SETD5: variants seen among roughly 807,000 people sequenced by gnomAD.
SETD5 encodes the protein SET domain containing 5.
SETD5 carries 44 observed loss-of-function variants against 153.3 expected under a neutral mutation model. That is an observed-to-expected ratio of 0.29 (90% CI 0.23 to 0.37). The LOEUF is 0.37. Among genes scored for constraint, SETD5 ranks in the 10% least tolerant of loss-of-function variants. The probability of loss-of-function intolerance (pLI) is 1.00; values close to 1 mark genes in which losing one functional copy is unlikely to be tolerated. For synonymous variants in SETD5, 716 were observed against 645.2 expected (o/e 1.11, Z -1.66); for missense variants, 1,544 against 1,768.0 (o/e 0.87, Z 2.27).
rs114807425 is a variant in SETD5, at chr3:9,458,661, A to G, written c.2476+4793A>G. Reference sequence around the variant, plus strand: ...CTGTATTAACCATGTTTTTGTGTCTATACTGCCTCTGTATTAATAGAGGAT... The same window carrying G: ...CTGTATTAACCATGTTTTTGTGTCTGTACTGCCTCTGTATTAATAGAGGAT... On this transcript the variant is annotated intron_variant, in intron 17 of 22. Transcript: ENST00000402198. Among the ~76,000 whole-genome samples, 351 of 152,294 alleles carry G rather than the reference A, an allele frequency of 2.3e-3. 1 individual carries two copies. The highest frequency in any genetic ancestry group is 8.0e-3 in the African/African-American group (332 of 41,550).
At chr3:9,454,640 A>G (rs958641638) in intron 17 of SETD5, among the ~76,000 whole-genome samples, 1 of 151,288 alleles carries the variant, frequency 6.6e-6, no homozygotes, top group Non-Finnish European at 1.5e-5. Flanking sequence ...AAAAAAAAAA[A>G]AAAAAAAAAA....
chr3:9,420,391 A>C (rs182709217), intron 1 of SETD5, among the ~76,000 whole-genome samples: 44 of 152,240 alleles, frequency 2.9e-4, no homozygotes, highest in Admixed American at 5.2e-4. Flanking sequence ...CTTAATATAG[A>C]CTAGGATTTT....
Position 9,447,950 on chromosome 3 carries a change from T to A in SETD5, c.2047T>A (p.Ser683Thr). 4.3e-6 allele frequency: 7 copies of A among 1,613,918 alleles called. No individual in the cohort carries two copies. The highest frequency in any genetic ancestry group is 5.9e-6 in the Non-Finnish European group (7 of 1,179,854). ...AACAGGGTCTGACCCAACTGTGGTG[T>A]CAATTACTGGATCCCATGTCAACCG... is the stretch of plus-strand genomic sequence containing the variant. ...PLTGSDPTVV[S>T]ITGSHVNRAA... is the part of the protein sequence containing the mutation. Residue 683 changes from serine (S) to threonine (T), a missense_variant, in exon 15 of 23, where the codon TCA becomes ACA. Transcript: ENST00000402198.
intron 13 of SETD5, among the ~76,000 whole-genome samples, chr3:9,445,965 G>GTTTTTTTTTTTTTTTTTTTTTTTTTTT: frequency 1.2e-5 from 1 of 86,460 alleles, no homozygotes; most frequent in African/African-American, 4.7e-5. Flanking sequence ...TGAAGAGGTT[G>GTTTTTTTTTTTTTTTTTTTTTTTTTTT]TTTTTTTTTT....
rs558445943 is a variant in SETD5, at chr3:9,409,248, C to T, written c.-177+11271C>T. On this transcript the variant is annotated intron_variant, in intron 1 of 22. Transcript: ENST00000402198. ...TTTTCTTACTTCTTCATTTATTGTC[C>T]GGAATACTCACCCTTATTTTTATTT... 1.8e-3 allele frequency among the ~76,000 whole-genome samples: 268 copies of T among 152,138 alleles called. 1 individual carries two copies. Among genetic ancestry groups the T allele is most frequent in the African/African-American group, 6.2e-3 (257 of 41,502 alleles).
rs2042108470 is a variant in SETD5, at chr3:9,447,087, C to G, written c.1562C>G (p.Ala521Gly). The G allele has an allele frequency of 1.2e-6, 2 of 1,612,482 alleles. No homozygotes were observed. Among genetic ancestry groups the G allele is most frequent in the African/African-American group, 2.7e-5 (2 of 74,930 alleles). ...EDRKVEAIMHAFENLEKRKKR... is the reference protein window; with the variant it reads ...EDRKVEAIMHGFENLEKRKKR... The stretch of plus-strand genomic sequence containing the variant: ...AGAAAGGTAGAAGCCATCATGCATG[C>G]TTTTGAAAACTTAGAGAAAAGAAAG... Residue 521 changes from alanine to glycine, a missense_variant, in exon 14 of 23, where the codon GCT becomes GGT. Ala to Gly is a moderately conservative substitution (Grantham distance 60). Around this residue, in one of 9 missense-constraint regions of SETD5, gnomAD observed 782 missense variants for 787.2 expected, o/e 0.99. Transcript: ENST00000402198.
In SETD5 at chr3:9,476,008, C is replaced by T. The variant is rs746010610; in HGVS notation, c.4246C>T (p.His1416Tyr). 8 of 1,613,920 alleles carry T rather than the reference C, an allele frequency of 5.0e-6. No homozygotes were observed. The Admixed American group carries it at 1.0e-4, about 20-fold the overall frequency. Residue 1416 changes from histidine (H) to tyrosine (Y), a missense_variant, in exon 23 of 23, where the codon CAC becomes TAC. By Grantham distance (83) the His-to-Tyr change is moderately conservative. Coordinates refer to ENST00000402198, the MANE Select transcript of SETD5 (RefSeq NM_001080517.3). ...SAVSNSQHYPHRGSGGVHQYR... is the reference protein window; with the variant it reads ...SAVSNSQHYPYRGSGGVHQYR... ...GGTTTCCAATTCACAGCACTACCCA[C>T]ACCGTGGGAGTGGGGGTGTGCACCA...
chr3:9,457,250 A>T (rs1019072058), intron 17 of SETD5, among the ~76,000 whole-genome samples: 3 of 152,118 alleles, frequency 2.0e-5, no homozygotes, highest in African/African-American at 7.2e-5. Context: ...GCACTTTGGG[A>T]GGCCGAGATG....
intron 17 of SETD5, among the ~76,000 whole-genome samples, chr3:9,460,272 AAAAC>A (rs1471049625): frequency 2.6e-5 from 4 of 152,092 alleles, no homozygotes; most frequent in Admixed American, 1.3e-4. Context: ...GTAAAAAAAA[AAAAC>A]TAAAGAACTC....
At chr3:9,426,713 T>G (rs538123606) in intron 2 of SETD5, among the ~76,000 whole-genome samples, 2 of 152,074 alleles carry the variant, frequency 1.3e-5, no homozygotes, top group African/African-American at 4.8e-5. Flanking sequence ...AAATTTTGTA[T>G]TTTTAGTAGA....
intron 8 of SETD5, among the ~76,000 whole-genome samples, chr3:9,441,172 G>A (rs2041232065): frequency 6.6e-6 from 1 of 152,066 alleles, no homozygotes; most frequent in South Asian, 2.1e-4. Context: ...TTGCACCACT[G>A]CACTCCAGCC....
At chr3:9,468,875 A>G (rs1198784311) in intron 18 of SETD5, among the ~76,000 whole-genome samples, 1 of 152,038 alleles carries the variant, frequency 6.6e-6, no homozygotes, top group African/African-American at 2.4e-5. Flanking sequence ...GAGTTCTATT[A>G]AAGAATAGAA....
At chr3:9,418,104 C>T (rs2037807151) in intron 1 of SETD5, among the ~76,000 whole-genome samples, 1 of 150,560 alleles carries the variant, frequency 6.6e-6, no homozygotes, top group African/African-American at 2.5e-5. Context: ...CCGCTCCCGG[C>T]TAATTTTTTT....
chr3:9,412,412 T>G (rs1007817633), intron 1 of SETD5, among the ~76,000 whole-genome samples: 3 of 142,802 alleles, frequency 2.1e-5, no homozygotes, highest in African/African-American at 7.8e-5. Context: ...TTTTTTTTTT[T>G]TTTTTAAAGA....
intron 1 of SETD5, among the ~76,000 whole-genome samples, chr3:9,408,339 G>A (rs1277198740): frequency 2.6e-5 from 4 of 152,070 alleles, no homozygotes; most frequent in African/African-American, 9.7e-5. Flanking sequence ...AGTAAGGGAA[G>A]GAGTAGGTAT....
chr3:9,458,651 T>G (rs1398048267), intron 17 of SETD5, among the ~76,000 whole-genome samples: 1 of 152,190 alleles, frequency 6.6e-6, no homozygotes, highest in African/African-American at 2.4e-5. Flanking sequence ...TTAACCATGT[T>G]TTTGTGTCTA....
chr3:9,460,911 TG>T (rs1489582085), intron 17 of SETD5, among the ~76,000 whole-genome samples: 1 of 152,144 alleles, frequency 6.6e-6, no homozygotes, highest in African/African-American at 2.4e-5. Flanking sequence ...ATTTTTACAG[TG>T]TCAGGGTGGG....
At chr3:9,450,624 G>T (rs1051250874) in intron 16 of SETD5, among the ~76,000 whole-genome samples, 1 of 152,090 alleles carries the variant, frequency 6.6e-6, no homozygotes, top group Non-Finnish European at 1.5e-5. Context: ...ACCTAATGCA[G>T]AACCTAAGAA....
chr3:9,429,051 T>C (rs917778745), intron 3 of SETD5, 42 bp downstream of exon 3: 3 of 1,434,794 alleles, frequency 2.1e-6, no homozygotes, highest in Admixed American at 3.5e-5. Context: ...TATCAGTCTG[T>C]GTGGAGACAG....
Sources: allele counts gnomAD v4.1 joint callset (sites outside exome capture counted in the v4.1 genomes callset), GRCh38; gene constraint gnomAD v4.1.1; regional missense constraint gnomAD v4.1.1; transcripts MANE v1.5; gene names NCBI Gene and HGNC (gene_info 2026-07-23, HGNC 2026-07-21).